Variants in PEX11A observed in about 807,000 individuals in gnomAD.
PEX11A encodes the protein peroxisomal biogenesis factor 11 alpha.
PEX11A carries 13 observed loss-of-function variants against 14.4 expected under a neutral mutation model. That is an observed-to-expected ratio of 0.90 (90% confidence interval 0.59 to 1.43). The LOEUF (loss-of-function observed/expected upper bound fraction) is 1.43. Ranked by LOEUF, PEX11A falls within the 40% of genes most tolerant of loss-of-function variation. PEX11A has a pLI of 0.00. For synonymous variants in PEX11A, 101 were observed against 113.0 expected, an observed-to-expected ratio of 0.89 and a Z score of 0.67; for missense variants, 290 against 302.8, an observed-to-expected ratio of 0.96 and a Z score of 0.31.
chr15:89,686,048 G>C (rs1211391291), intron 2 of PEX11A, among the ~76,000 whole-genome samples: 1 of 152,180 alleles, frequency 6.6e-6, no homozygotes, highest in Non-Finnish European at 1.5e-5. Context: ...AAAGGAAAAA[G>C]GCAGGTGGTC....
chr15:89,686,326 A>C (rs1670807486), intron 2 of PEX11A, 105 bp downstream of exon 2: 1 of 634,792 alleles, frequency 1.6e-6, no homozygotes, highest in Admixed American at 2.9e-5. Context: ...AATAAACTTG[A>C]TTGACTAGAA....
intron 1 of PEX11A, among the ~76,000 whole-genome samples, chr15:89,687,244 G>A (rs1458438248): frequency 6.6e-6 from 1 of 152,076 alleles, no homozygotes; most frequent in African/African-American, 2.4e-5. Context: ...TTTCTAAAAT[G>A]AACTTTTCTA....
At chr15:89,690,525 G>T in intron 1 of PEX11A, 52 bp downstream of exon 1, 1 of 1,401,712 alleles carries the variant, frequency 7.1e-7, no homozygotes, top group Non-Finnish European at 9.8e-7. Context: ...GAATAGGCAC[G>T]GGAGCCGAGT....
At chr15:89,686,353 T>A (rs1176450244) in intron 2 of PEX11A, 78 bp downstream of exon 2, 1 of 707,394 alleles carries the variant, frequency 1.4e-6, no homozygotes, top group African/African-American at 1.8e-5. Context: ...GACCTAGAAA[T>A]TACTCCGTGA....
rs1278715868 is a variant in PEX11A, at chr15:89,683,825, CAG to C, written c.294_295del (p.Ile98MetfsTer2). The C allele has an allele frequency of 3.1e-6, 5 of 1,614,162 alleles. No homozygotes were observed. Among genetic ancestry groups the C allele is most frequent in the Non-Finnish European group, 4.2e-6 (5 of 1,179,990 alleles). The stretch of plus-strand genomic sequence containing the variant: ...GCTCCTCACCCAGAGGATGGTGTCA[CAG>C]ATGAAATAAATCACACGGTTCAGGT... On this transcript the variant is annotated frameshift_variant, in exon 3 of 3. Coordinates refer to ENST00000300056, the MANE Select transcript of PEX11A (RefSeq NM_003847.3). LOFTEE classifies it low-confidence loss of function (END_TRUNC).
intron 1 of PEX11A, among the ~76,000 whole-genome samples, chr15:89,689,627 A>G (rs1964763767): frequency 6.6e-6 from 1 of 152,218 alleles, no homozygotes; most frequent in Non-Finnish European, 1.5e-5. Flanking sequence ...ATCTCTGTTT[A>G]ATATTTTCAG....
Position 89,690,669 on chromosome 15 carries a change from C to T in PEX11A, c.-37G>A. 1.3e-6 allele frequency: 2 copies of T among 1,510,346 alleles called. No homozygotes were observed. 93.6% of individuals were successfully genotyped at this position (1,510,346 alleles called of 1,614,324 possible). A position where few individuals can be genotyped will look rare whatever the true frequency, so the allele number is the denominator to read the frequency against. Reference sequence around the variant, plus strand: ...CAAAGGCCACGAGTCGCACGGGGCTCAGGCGTGGGTCCTCTGGGGCCCGTC... The same window carrying T: ...CAAAGGCCACGAGTCGCACGGGGCTTAGGCGTGGGTCCTCTGGGGCCCGTC... On this transcript the variant is annotated 5_prime_UTR_variant, in exon 1 of 3. Transcript: ENST00000300056.
rs1182550973 is a variant in PEX11A, at chr15:89,683,899, G to T, written c.222C>A (p.Ser74Arg). The T allele has an allele frequency of 6.2e-7, 1 of 1,614,050 alleles. No homozygotes were observed. Among genetic ancestry groups the T allele is most frequent in the Non-Finnish European group, 8.5e-7 (1 of 1,179,896 alleles). Residue 74 changes from serine (S) to arginine (R), a missense_variant, in exon 3 of 3, where the codon AGC becomes AGA. Coordinates refer to ENST00000300056, the MANE Select transcript of PEX11A (RefSeq NM_003847.3). ...GAGGTACCAGGTCAGTGGCATGAAT[G>T]CTCTGCTCAGTTGCCTGTATAGCAT... ...VVHAIQATEQ[S>R]IHATDLVPRL...
intron 1 of PEX11A, 60 bp downstream of exon 1, chr15:89,690,517 A>G (rs552884287): frequency 1.1e-5 from 14 of 1,295,446 alleles, no homozygotes; most frequent in Non-Finnish European, 1.5e-5. Flanking sequence ...GTGCAGGGGA[A>G]TAGGCACGGG....
In PEX11A at chr15:89,683,239, CCCA is replaced by C; in HGVS notation, c.*135_*137del. ...TTCTCCGTTCTTGGCCTCATCTCTG[CCCA>C]CATCACAGGTTGTTAAATGCTCACA... is the stretch of plus-strand genomic sequence containing the variant. On this transcript the variant is annotated 3_prime_UTR_variant, in exon 3 of 3. Coordinates refer to ENST00000300056, the MANE Select transcript of PEX11A (RefSeq NM_003847.3). 2.9e-6 allele frequency: 2 copies of C among 686,230 alleles called. No individual in the cohort carries two copies. The highest frequency in any genetic ancestry group is 5.1e-6 in the Non-Finnish European group (2 of 389,014). 42.5% of individuals were successfully genotyped at this position (686,230 alleles called of 1,614,324 possible).
Position 89,690,751 on chromosome 15 carries a change from T to C in PEX11A, c.-119A>G. 1.6e-6 allele frequency: 1 copy of C among 639,300 alleles called. No individual in the cohort carries two copies. The highest frequency in any genetic ancestry group is 2.6e-6 in the Non-Finnish European group (1 of 381,546). 39.6% of individuals were successfully genotyped at this position (639,300 alleles called of 1,614,324 possible). ...TCCGCTGAGGGGGAGGGGCTGAGTC[T>C]CTCCGCCCCAGAGGGGGCGGGCACA... On this transcript the variant is annotated 5_prime_UTR_variant, in exon 1 of 3. Transcript: ENST00000300056.
Position 89,690,741 on chromosome 15 carries a change from G to T in PEX11A, c.-109C>A. The T allele has an allele frequency of 2.9e-6, 2 of 691,944 alleles. No individual in the cohort carries two copies. Among genetic ancestry groups the T allele is most frequent in the South Asian group, 1.8e-5 (1 of 55,232 alleles). The allele number at this position is 691,944 out of a possible 1,614,324, so 42.9% of individuals were successfully genotyped here. On this transcript the variant is annotated 5_prime_UTR_variant, in exon 1 of 3. Coordinates refer to ENST00000300056, the MANE Select transcript of PEX11A (RefSeq NM_003847.3). ...TCCCAGGTTATCCGCTGAGGGGGAG[G>T]GGCTGAGTCTCTCCGCCCCAGAGGG...
At position 89,683,367 on chromosome 15, in the gene PEX11A, T is replaced by G. The variant is rs1236033674; in HGVS notation, c.*10A>C. The G allele has an allele frequency of 1.3e-6, 2 of 1,595,608 alleles. No individual in the cohort carries two copies. The highest frequency in any genetic ancestry group is 2.2e-5 in the East Asian group (1 of 44,782). Reference sequence around the variant, plus strand: ...TTAAAGTAGGTACTAGTTCCAAGCCTAAAAACACCCTAACGGGTCTTCAGC... The same window carrying G: ...TTAAAGTAGGTACTAGTTCCAAGCCGAAAAACACCCTAACGGGTCTTCAGC... On this transcript the variant is annotated 3_prime_UTR_variant, in exon 3 of 3. Transcript: ENST00000300056.
chr15:89,690,281 G>A (rs1964796767), intron 1 of PEX11A, among the ~76,000 whole-genome samples: 1 of 152,240 alleles, frequency 6.6e-6, no homozygotes, highest in Admixed American at 6.5e-5. Flanking sequence ...AAGTTAGGAG[G>A]GGAGGAGGAT....
intron 1 of PEX11A, among the ~76,000 whole-genome samples, chr15:89,688,458 T>G (rs780218647): frequency 3.2e-4 from 48 of 152,026 alleles, no homozygotes; most frequent in Non-Finnish European, 5.4e-4. Context: ...AGTGGTGCGT[T>G]CTTGGCTCTC....
Position 89,688,314 on chromosome 15 carries a change from G to C in PEX11A, c.57-1768C>G, listed in dbSNP as rs1352372140. The C allele has an allele frequency of 5.8e-5, 21 of 363,332 alleles. 1 individual carries two copies. Among genetic ancestry groups the C allele is most frequent in the Non-Finnish European group, 5.4e-6 (1 of 185,282 alleles). The allele number at this position is 363,332 out of a possible 1,614,324, so 22.5% of individuals were successfully genotyped here. A position where few individuals can be genotyped will look rare whatever the true frequency, so the allele number is the denominator to read the frequency against. ...TTATGAATGCCAGTGTGGTCATAAA[G>C]GTTATACAGATCATCAAGGAGGTTG... On this transcript the variant is annotated intron_variant, in intron 1 of 2. Coordinates refer to ENST00000300056, the MANE Select transcript of PEX11A (RefSeq NM_003847.3).
At position 89,682,476 on chromosome 15, in the gene PEX11A, C is replaced by T. The variant is rs1029052061; in HGVS notation, c.*901G>A. 6.6e-6 allele frequency: 1 copy of T among 152,188 alleles called. No homozygotes were observed. The highest frequency in any genetic ancestry group is 1.9e-4 in the East Asian group (1 of 5,192). 9.4% of individuals were successfully genotyped at this position (152,188 alleles called of 1,614,324 possible). A position where few individuals can be genotyped will look rare whatever the true frequency, so the allele number is the denominator to read the frequency against. On this transcript the variant is annotated 3_prime_UTR_variant, in exon 3 of 3. Transcript: ENST00000300056. Reference sequence around the variant, plus strand: ...ATAGGTGTGAGCCACCACACTCCACCCAGTTTTAGTTTTTCTAGAAAAGAA... The same window carrying T: ...ATAGGTGTGAGCCACCACACTCCACTCAGTTTTAGTTTTTCTAGAAAAGAA...
chr15:89,681,832 C>T lies in PEX11A; in HGVS notation c.*1545G>A, dbSNP rs1485182768. On this transcript the variant is annotated 3_prime_UTR_variant, in exon 3 of 3. Transcript: ENST00000300056. ...ACAGCTTTGCTGGGAGGACTGACAT[C>T]GGCCTCCTACCTGCTGGCATCCTAT... 5 of 281,124 alleles carry T rather than the reference C, an allele frequency of 1.8e-5. No homozygotes were observed. Among genetic ancestry groups the T allele is most frequent in the South Asian group, 6.4e-5 (1 of 15,698 alleles). 17.4% of individuals were successfully genotyped at this position (281,124 alleles called of 1,614,324 possible).
chr15:89,682,160 C>CT lies in PEX11A; in HGVS notation c.*1216dup, dbSNP rs1352752175. 4 of 152,314 alleles carry CT rather than the reference C, an allele frequency of 2.6e-5. No individual in the cohort carries two copies. Among genetic ancestry groups the CT allele is most frequent in the African/African-American group, 9.7e-5 (4 of 41,418 alleles). 9.4% of individuals were successfully genotyped at this position (152,314 alleles called of 1,614,324 possible). A position where few individuals can be genotyped will look rare whatever the true frequency, so the allele number is the denominator to read the frequency against. The stretch of plus-strand genomic sequence containing the variant: ...GTTAGAAGGATTTAAATAAAACAAT[C>CT]TAACTGATAAGTCTAAATACTGTCT... On this transcript the variant is annotated 3_prime_UTR_variant, in exon 3 of 3. Coordinates refer to ENST00000300056, the MANE Select transcript of PEX11A (RefSeq NM_003847.3).
Sources: gnomAD v4.1 joint callset for allele counts (sites outside exome capture counted in the v4.1 genomes callset) on GRCh38, gnomAD v4.1.1 for gene constraint, MANE v1.5 for transcripts, NCBI Gene and HGNC (gene_info 2026-07-23, HGNC 2026-07-21) for gene names.